Variants in SAXO1 observed in about 807,000 individuals in gnomAD.
SAXO1 encodes the protein 4930500O09Rik.
In SAXO1, 21 loss-of-function variants were observed where a neutral mutation model predicts 17.5. That is an observed-to-expected ratio of 1.20 (90% CI 0.85 to 1.72). The LOEUF (loss-of-function observed/expected upper bound fraction) is 1.72, where lower values mean the gene tolerates loss of function less well. Among genes scored for constraint, SAXO1 ranks in the 40% most tolerant of loss-of-function variants. The probability of loss-of-function intolerance (pLI) is 0.00; values close to 1 mark genes in which losing one functional copy is unlikely to be tolerated. For missense variants in SAXO1, 843 were observed against 596.0 expected, an observed-to-expected ratio of 1.41 and a Z score of -4.32; for synonymous variants, 274 against 216.5, an observed-to-expected ratio of 1.27 and a Z score of -2.33.
At chr9:19,009,638 T>G (rs112584053) in intron 1 of SAXO1, among the ~76,000 whole-genome samples, 23 of 152,166 alleles carry the variant, frequency 1.5e-4, no homozygotes, top group African/African-American at 5.3e-4. Context: ...CAGGGAAAAT[T>G]GAGATTTCTT....
In SAXO1 at chr9:19,016,239, C is replaced by T. The variant is rs551888586; in HGVS notation, c.38+16632G>A. Among the ~76,000 whole-genome samples the T allele has an allele frequency of 3.9e-5, 6 of 152,218 alleles. No individual in the cohort carries two copies. The East Asian group carries it at 5.8e-4, about 15-fold the overall frequency. On this transcript the variant is annotated intron_variant, in intron 1 of 3. Coordinates refer to ENST00000380534, the MANE Select transcript of SAXO1 (RefSeq NM_153707.4). ...TCCACTGAGGTCGGGAGTTCGAGAC[C>T]GGCCTGACGAACATGGTGAAACCCT...
intron 1 of SAXO1, among the ~76,000 whole-genome samples, chr9:19,038,523 C>T (rs10118066): frequency 0.46 from 68,328 of 148,106 alleles, 16,615 homozygotes; most frequent in African/African-American, 0.63. Context: ...AACCAAACAC[C>T]GCATGTTCTC....
intron 1 of SAXO1, among the ~76,000 whole-genome samples, chr9:18,996,853 G>C (rs946016257): frequency 2.7e-5 from 4 of 150,698 alleles, no homozygotes; most frequent in African/African-American, 9.8e-5. Flanking sequence ...AATGAGGCAA[G>C]AAAAAAAACA....
intron 1 of SAXO1, among the ~76,000 whole-genome samples, chr9:18,958,098 C>T (rs1832327767): frequency 6.6e-6 from 1 of 152,142 alleles, no homozygotes; most frequent in Non-Finnish European, 1.5e-5. Flanking sequence ...TTATACTCCA[C>T]TCATGGTGCC....
intron 2 of SAXO1, among the ~76,000 whole-genome samples, chr9:18,947,385 T>C (rs768361409): frequency 1.2e-4 from 18 of 152,128 alleles, no homozygotes; most frequent in Non-Finnish European, 2.4e-4. Flanking sequence ...GTCTTGCAAA[T>C]AAGTGATAGA....
chr9:19,001,755 A>C (rs1186773645), intron 1 of SAXO1, among the ~76,000 whole-genome samples: 1 of 152,164 alleles, frequency 6.6e-6, no homozygotes, highest in Non-Finnish European at 1.5e-5. Flanking sequence ...AGTGTGTAGA[A>C]GGAAATTTAT....
rs1832814947 is a variant in SAXO1 at position 18,968,465 on chromosome 9, T to G, written c.39-17528A>C. On this transcript the variant is annotated intron_variant, in intron 1 of 3. Transcript: ENST00000380534. The stretch of plus-strand genomic sequence containing the variant: ...CATTCACTTTTAAATTCTCTTAAGT[T>G]TGTTATACACTTGAAGTTTTTCAAA... Among the ~76,000 whole-genome samples, 5 of 152,242 alleles carry G rather than the reference T, an allele frequency of 3.3e-5. No individual in the cohort carries two copies. In the South Asian group the frequency reaches 1.0e-3, roughly 32 times the overall value.
At chr9:18,996,686 G>T (rs981269706) in intron 1 of SAXO1, among the ~76,000 whole-genome samples, 4 of 151,982 alleles carry the variant, frequency 2.6e-5, no homozygotes, top group Non-Finnish European at 5.9e-5. Flanking sequence ...AAATAGAAAC[G>T]TCATAACATG....
At chr9:19,007,692 C>G (rs889902104) in intron 1 of SAXO1, among the ~76,000 whole-genome samples, 2 of 131,522 alleles carry the variant, frequency 1.5e-5, no homozygotes, top group Non-Finnish European at 3.3e-5. Flanking sequence ...ATTCAGCTTG[C>G]TACCTGTTTT....
intron 1 of SAXO1, among the ~76,000 whole-genome samples, chr9:19,000,059 T>A (rs1306509381): frequency 1.4e-5 from 2 of 138,108 alleles, no homozygotes; most frequent in Admixed American, 1.4e-4. Flanking sequence ...CGCCACAACA[T>A]CTGGGAAGTG....
intron 1 of SAXO1, among the ~76,000 whole-genome samples, chr9:19,044,600 A>C (rs925020635): frequency 6.6e-6 from 1 of 152,192 alleles, no homozygotes; most frequent in African/African-American, 2.4e-5. Context: ...GCGGTAGCTC[A>C]CGCCTGTAAT....
chr9:19,033,518 G>A (rs890623123), upstream of SAXO1, among the ~76,000 whole-genome samples: 7 of 152,366 alleles, frequency 4.6e-5, 1 homozygote, highest in East Asian at 1.9e-4. Context: ...CCCCTCTTAG[G>A]GGAATACAGC....
At chr9:19,006,270 G>A (rs1369835481) in intron 1 of SAXO1, among the ~76,000 whole-genome samples, 2 of 152,192 alleles carry the variant, frequency 1.3e-5, no homozygotes, top group Admixed American at 1.3e-4. Context: ...CGACTTTCAG[G>A]TATGTATCCA....
At chr9:19,000,247 G>T (rs1834203106) in intron 1 of SAXO1, among the ~76,000 whole-genome samples, 1 of 149,338 alleles carries the variant, frequency 6.7e-6, no homozygotes, top group African/African-American at 2.5e-5. Flanking sequence ...CCTCTGCCCG[G>T]CCACCCAACT....
intron 3 of SAXO1, 87 bp from the exon 4 acceptor site, chr9:18,929,142 G>C: frequency 1.4e-6 from 2 of 1,428,512 alleles, no homozygotes; most frequent in Non-Finnish European, 1.9e-6. Flanking sequence ...TCTTAAGGCA[G>C]TCTCCGATGA....
rs188884008 is a variant in SAXO1, at chr9:19,012,462, A to G, written c.38+20409T>C. 8.3e-4 allele frequency among the ~76,000 whole-genome samples: 126 copies of G among 152,366 alleles called. 1 individual carries two copies. The highest frequency in any genetic ancestry group is 1.3e-3 in the Non-Finnish European group (86 of 68,032). ...CTAGAGTGAAAAATGCTACATGTGA[A>G]TGTAATCAACTTTGTGGTGTTGGTA... On this transcript the variant is annotated intron_variant, in intron 1 of 3. Transcript: ENST00000380534.
intron 1 of SAXO1, among the ~76,000 whole-genome samples, chr9:18,965,006 G>A (rs62550807): frequency 0.055 from 8,432 of 152,170 alleles, 271 homozygotes; most frequent in African/African-American, 0.1. Context: ...CCTTAACTTC[G>A]TTATTTACCC....
At chr9:19,004,380 G>A (rs529466213) in intron 1 of SAXO1, among the ~76,000 whole-genome samples, 4 of 152,152 alleles carry the variant, frequency 2.6e-5, no homozygotes, top group Non-Finnish European at 4.4e-5. Context: ...ATAACCAAAG[G>A]ATTATAAATC....
intron 3 of SAXO1, among the ~76,000 whole-genome samples, chr9:18,934,899 T>A (rs1363333433): frequency 6.6e-6 from 1 of 152,176 alleles, no homozygotes; most frequent in Non-Finnish European, 1.5e-5. Context: ...TTGTTCATTT[T>A]TTTCTTTTTA....
Sources: allele counts gnomAD v4.1 joint callset (sites outside exome capture counted in the v4.1 genomes callset), GRCh38; gene constraint gnomAD v4.1.1; transcripts MANE v1.5; gene names NCBI Gene and HGNC (gene_info 2026-07-23, HGNC 2026-07-21).